The following TCF12 variants were observed in gnomAD, a reference collection of about 807,000 sequenced individuals.
The protein encoded by TCF12 is transcription factor 12, also known as DNA-binding protein HTF4.
TCF12 carries 45 observed loss-of-function variants against 86.0 expected under a neutral mutation model. The ratio of observed to expected loss-of-function variants is 0.52; its 90% CI spans 0.41 to 0.67. The LOEUF (loss-of-function observed/expected upper bound fraction) is 0.67, where lower values mean the gene tolerates loss of function less well. TCF12 is among the 30% of genes least tolerant of loss of function. The pLI is 0.00. For synonymous variants in TCF12, 330 were observed against 299.6 expected, an observed-to-expected ratio of 1.10 and a Z score of -1.05; for missense variants, 881 against 859.9, an observed-to-expected ratio of 1.02 and a Z score of -0.31.
chr15:57,136,774 C>G lies in TCF12; in HGVS notation c.326-29628C>G, dbSNP rs530025106. ...TATGGCAGCCTCTACATCCCAGGCT[C>G]AAGTGATCCTCACACCTAAGCCTCC... On this transcript the variant is annotated intron_variant, in intron 5 of 20. Transcript: ENST00000333725. 1.2e-4 allele frequency among the ~76,000 whole-genome samples: 18 copies of G among 151,990 alleles called. No homozygotes were observed. In the East Asian group the frequency reaches 2.1e-3, roughly 18 times the overall value.
chr15:57,016,613 A>T (rs1208437126), intron 3 of TCF12, among the ~76,000 whole-genome samples: 1 of 152,088 alleles, frequency 6.6e-6, no homozygotes, highest in East Asian at 1.9e-4. Context: ...ATAGAATGGC[A>T]TACTTATAGA....
chr15:57,032,050 C>G (rs1200543528), intron 3 of TCF12, among the ~76,000 whole-genome samples: 1 of 152,140 alleles, frequency 6.6e-6, no homozygotes, highest in Non-Finnish European at 1.5e-5. Flanking sequence ...TAAAAGTGAC[C>G]TCTTTCGGGC....
chr15:56,987,343 G>A (rs545556430), intron 3 of TCF12, among the ~76,000 whole-genome samples: 250 of 152,248 alleles, frequency 1.6e-3, no homozygotes, highest in African/African-American at 5.8e-3. Context: ...TCGAACTTCT[G>A]ACCTCAGGTG....
chr15:57,079,307 C>T (rs1721754107), intron 4 of TCF12, among the ~76,000 whole-genome samples: 1 of 152,096 alleles, frequency 6.6e-6, no homozygotes, highest in Non-Finnish European at 1.5e-5. Context: ...AAGATGCTGA[C>T]TTGTGTTTTC....
At chr15:57,215,136 C>A (rs2058280071) in intron 8 of TCF12, among the ~76,000 whole-genome samples, 1 of 152,056 alleles carries the variant, frequency 6.6e-6, no homozygotes, top group African/African-American at 2.4e-5. Flanking sequence ...AACATATTTA[C>A]AAAGTAGCAT....
At chr15:57,028,156 C>T (rs955719171) in intron 3 of TCF12, among the ~76,000 whole-genome samples, 4 of 152,020 alleles carry the variant, frequency 2.6e-5, no homozygotes, top group African/African-American at 7.2e-5. Context: ...TAAGTAGAGA[C>T]GGGGTTTCGC....
intron 3 of TCF12, among the ~76,000 whole-genome samples, chr15:57,060,897 CTT>C (rs2141690479): frequency 6.6e-6 from 1 of 152,296 alleles, no homozygotes; most frequent in East Asian, 1.9e-4. Flanking sequence ...CAGCCATTGT[CTT>C]TAGCAGAAAG....
intron 3 of TCF12, among the ~76,000 whole-genome samples, chr15:56,993,738 C>T (rs2063564584): frequency 6.6e-6 from 1 of 152,198 alleles, no homozygotes; most frequent in Non-Finnish European, 1.5e-5. Context: ...TGTTAGAGCT[C>T]ATGGCCTAAT....
Position 57,289,445 on chromosome 15 carries a change from C to G in TCF12, c.*3300C>G, listed in dbSNP as rs2152177277. 3 of 152,298 alleles carry G rather than the reference C, an allele frequency of 2.0e-5. No individual in the cohort carries two copies. In the South Asian group the frequency reaches 6.2e-4, roughly 32 times the overall value. 9.4% of individuals were successfully genotyped at this position (152,298 alleles called of 1,614,324 possible). ...ATCAAGACACTTAAAACTTTCCCTA[C>G]AAAACCTCCCTGCCTTGACTTTCTC... On this transcript the variant is annotated 3_prime_UTR_variant, in exon 21 of 21. Transcript: ENST00000333725.
intron 3 of TCF12, among the ~76,000 whole-genome samples, chr15:56,939,467 TG>T (rs2060629102): frequency 6.6e-6 from 1 of 152,188 alleles, no homozygotes; most frequent in Non-Finnish European, 1.5e-5. Context: ...GTATTTCTGT[TG>T]GGAAATTCTG....
chr15:57,102,058 A>T (rs1474823222), intron 5 of TCF12, among the ~76,000 whole-genome samples: 6 of 152,024 alleles, frequency 3.9e-5, no homozygotes, highest in African/African-American at 1.5e-4. Flanking sequence ...ACATGTAGGT[A>T]GTTATATGTT....
At chr15:57,047,797 T>G (rs529557024) in intron 3 of TCF12, among the ~76,000 whole-genome samples, 1 of 152,362 alleles carries the variant, frequency 6.6e-6, no homozygotes, top group East Asian at 1.9e-4. Context: ...GAGAAATGCC[T>G]TGTTAGGCGA....
intron 5 of TCF12, among the ~76,000 whole-genome samples, chr15:57,140,286 A>G (rs997290721): frequency 8.5e-5 from 13 of 152,216 alleles, no homozygotes; most frequent in Non-Finnish European, 1.0e-4. Context: ...GTTTTAATTG[A>G]ATGAGTATGC....
At position 56,988,945 on chromosome 15, in the gene TCF12, C is replaced by T. The variant is rs541555882; in HGVS notation, c.148+67847C>T. Reference sequence around the variant, plus strand: ...AATTTAAGTAATTGATATTTTTGGTCTATATTTTCTTTTAAAAGTATACTA... The same window carrying T: ...AATTTAAGTAATTGATATTTTTGGTTTATATTTTCTTTTAAAAGTATACTA... On this transcript the variant is annotated intron_variant, in intron 3 of 20. Transcript: ENST00000333725. Among the ~76,000 whole-genome samples, 129 of 152,078 alleles carry T rather than the reference C, an allele frequency of 8.5e-4. 1 individual carries two copies. Among genetic ancestry groups the T allele is most frequent in the African/African-American group, 2.8e-3 (118 of 41,526 alleles).
chr15:57,194,188 ATAAAT>A (rs147265956), intron 7 of TCF12, among the ~76,000 whole-genome samples: 6,114 of 152,308 alleles, frequency 0.04, 369 homozygotes, highest in Admixed American at 0.17. Context: ...CAGGTTTTCT[ATAAAT>A]TAAAACTTGT....
At chr15:57,162,332 A>T (rs1372158967) in intron 5 of TCF12, among the ~76,000 whole-genome samples, 1 of 152,186 alleles carries the variant, frequency 6.6e-6, no homozygotes, top group Non-Finnish European at 1.5e-5. Flanking sequence ...GTATATGATT[A>T]ATTTTAATTC....
chr15:56,992,855 A>G (rs2063519900), intron 3 of TCF12, among the ~76,000 whole-genome samples: 1 of 152,202 alleles, frequency 6.6e-6, no homozygotes, highest in Non-Finnish European at 1.5e-5. Flanking sequence ...TTATAAGGAT[A>G]TTTGAGGAGT....
intron 18 of TCF12, among the ~76,000 whole-genome samples, chr15:57,267,525 C>G (rs2060925894): frequency 6.6e-6 from 1 of 152,180 alleles, no homozygotes; most frequent in South Asian, 2.1e-4. Flanking sequence ...AATCAGCAAA[C>G]TTTCTCTGTA....
intron 3 of TCF12, among the ~76,000 whole-genome samples, chr15:57,022,560 A>T (rs1023144973): frequency 1.1e-4 from 16 of 152,220 alleles, no homozygotes; most frequent in African/African-American, 3.9e-4. Flanking sequence ...AGCATGATTT[A>T]TAATCCTTTG....
Sources: allele counts gnomAD v4.1 joint callset (sites outside exome capture counted in the v4.1 genomes callset), GRCh38; gene constraint gnomAD v4.1.1; transcripts MANE v1.5; gene names NCBI Gene and HGNC (gene_info 2026-07-23, HGNC 2026-07-21).